Variants in METTL15 observed in about 807,000 individuals in gnomAD.
METTL15 encodes 12S rRNA N(4)-cytidine methyltransferase METTL15.
METTL15 carries 34 observed loss-of-function variants against 38.3 expected under a neutral mutation model. That is an observed-to-expected ratio of 0.89 (90% CI 0.68 to 1.18). METTL15 has a LOEUF of 1.18. METTL15 is among the 50% of genes most tolerant of loss of function. METTL15 has a pLI of 0.00. For missense variants in METTL15, 438 were observed against 498.4 expected (o/e 0.88, Z 1.15); for synonymous variants, 162 against 170.9 (o/e 0.95, Z 0.41).
intron 6 of METTL15, among the ~76,000 whole-genome samples, chr11:28,431,808 GAAAA>G (rs1186274147): frequency 1.1e-5 from 1 of 87,052 alleles, no homozygotes; most frequent in Non-Finnish European, 2.2e-5. Context: ...AAAAAAAAAA[GAAAA>G]AAAAAAAAAA....
At position 28,365,907 on chromosome 11, in the gene METTL15, C is replaced by T. The variant is rs180944902; in HGVS notation, c.*358+3871C>T. On this transcript the variant is annotated intron_variant and NMD_transcript_variant, in intron 5 of 7. Coordinates refer to the METTL15 transcript ENST00000532947. ...TCTACTGAAAATACAAAAAATTAGTCGGGCGTGGTGGCAGGCACCTGTAGT... is the reference window on the plus strand; with the variant it reads ...TCTACTGAAAATACAAAAAATTAGTTGGGCGTGGTGGCAGGCACCTGTAGT... 4.8e-3 allele frequency among the ~76,000 whole-genome samples: 726 copies of T among 151,944 alleles called. 3 individuals carry two copies. Among genetic ancestry groups the T allele is most frequent in the African/African-American group, 0.016 (662 of 41,452 alleles).
chr11:28,182,761 C>T (rs1590120525), intron 3 of METTL15, among the ~76,000 whole-genome samples: 1 of 151,436 alleles, frequency 6.6e-6, no homozygotes, highest in Non-Finnish European at 1.5e-5. Context: ...TTCCATATGA[C>T]GTTTAAACTA....
rs184752413 is a variant in METTL15 at position 28,218,285 on chromosome 11, G to C, written c.407+7087G>C. Reference sequence around the variant, plus strand: ...AAGAAGTGCTTCACATCCCTTGTAAGTTGGATTCCTAGGTGTGTTATTCTC... The same window carrying C: ...AAGAAGTGCTTCACATCCCTTGTAACTTGGATTCCTAGGTGTGTTATTCTC... On this transcript the variant is annotated intron_variant, in intron 4 of 6. Coordinates refer to ENST00000407364, the MANE Select transcript of METTL15 (RefSeq NM_001113528.2). Among the ~76,000 whole-genome samples the C allele has an allele frequency of 3.7e-3, 558 of 152,296 alleles. 3 individuals are homozygous for C. The highest frequency in any genetic ancestry group is 0.013 in the African/African-American group (521 of 41,552).
chr11:28,396,709 A>C (rs1286912330), intron 5 of METTL15, among the ~76,000 whole-genome samples: 1 of 152,162 alleles, frequency 6.6e-6, no homozygotes, highest in Non-Finnish European at 1.5e-5. Context: ...CAAGCTACCA[A>C]TGACTTTCTT....
At chr11:28,328,893 T>A (rs1849725412) in intron 6 of METTL15, among the ~76,000 whole-genome samples, 2 of 152,112 alleles carry the variant, frequency 1.3e-5, no homozygotes, top group African/African-American at 4.8e-5. Context: ...TTGCAAATTT[T>A]TTCCCATTCT....
intron 4 of METTL15, among the ~76,000 whole-genome samples, chr11:28,237,696 A>T (rs994698208): frequency 6.6e-6 from 1 of 152,040 alleles, no homozygotes; most frequent in African/African-American, 2.4e-5. Context: ...TAGAGTTTCC[A>T]CTTTTTCTGC....
chr11:28,329,946 GTTC>G (rs1484006213), intron 6 of METTL15, among the ~76,000 whole-genome samples: 5 of 151,842 alleles, frequency 3.3e-5, no homozygotes, highest in African/African-American at 7.3e-5. Context: ...TAATATTTTT[GTTC>G]TTCTTTATGT....
At chr11:28,305,437 A>T (rs1478946542) in intron 6 of METTL15, among the ~76,000 whole-genome samples, 1 of 152,186 alleles carries the variant, frequency 6.6e-6, no homozygotes, top group Non-Finnish European at 1.5e-5. Flanking sequence ...CTTAATCTTC[A>T]CAGCAACCCA....
At chr11:28,158,751 G>C (rs537774300) in intron 3 of METTL15, among the ~76,000 whole-genome samples, 2 of 152,288 alleles carry the variant, frequency 1.3e-5, no homozygotes, top group South Asian at 4.1e-4. Context: ...GCAGCAGTGG[G>C]CTCATGCTCA....
chr11:28,312,843 A>G (rs1296792317), intron 6 of METTL15, among the ~76,000 whole-genome samples: 2 of 152,144 alleles, frequency 1.3e-5, no homozygotes, highest in Non-Finnish European at 2.9e-5. Context: ...CTGAGATGGT[A>G]GCATTCATGA....
intron 6 of METTL15, among the ~76,000 whole-genome samples, chr11:28,485,979 T>A (rs918228239): frequency 6.6e-6 from 1 of 152,186 alleles, no homozygotes; most frequent in Non-Finnish European, 1.5e-5. Flanking sequence ...GACCCGACTC[T>A]TAAGAATTCA....
At position 28,442,505 on chromosome 11, in the gene METTL15, A is replaced by G. The variant is rs796373718; in HGVS notation, c.*424+18141A>G. 3.9e-5 allele frequency among the ~76,000 whole-genome samples: 6 copies of G among 152,316 alleles called. 1 individual carries two copies. Among genetic ancestry groups the G allele is most frequent in the African/African-American group, 1.4e-4 (6 of 41,568 alleles). On this transcript the variant is annotated intron_variant and NMD_transcript_variant, in intron 6 of 7. Transcript: ENST00000532947. ...ATTATTGCCATTTTGGAGAACACGT[A>G]TACACAGAATTTAGCCAACTTTTTC... is the stretch of plus-strand genomic sequence containing the variant.
chr11:28,389,521 G>T (rs1850479083), intron 5 of METTL15, among the ~76,000 whole-genome samples: 1 of 151,364 alleles, frequency 6.6e-6, no homozygotes, highest in African/African-American at 2.4e-5. Context: ...TGAGAATGAT[G>T]ATTTCCAATT....
In METTL15 at chr11:28,113,482, G is replaced by C. The variant is rs749744792; in HGVS notation, c.148G>C (p.Asp50His). 4 of 1,612,764 alleles carry C rather than the reference G, an allele frequency of 2.5e-6. No homozygotes were observed. Among genetic ancestry groups the C allele is most frequent in the Non-Finnish European group, 3.4e-6 (4 of 1,179,846 alleles). Residue 50 changes from aspartate to histidine, a missense_variant, in exon 3 of 7, where the codon GAT becomes CAT. Asp to His is a moderately conservative substitution (Grantham distance 81). Transcript: ENST00000407364. ...YREYEAREQT[D>H]QTQAQELHRS... The stretch of plus-strand genomic sequence containing the variant: ...AGAATATGAAGCCCGGGAGCAAACA[G>C]ATCAAACTCAAGCCCAGGAGTTACA...
At chr11:28,113,748 C>T in intron 3 of METTL15, 144 bp downstream of exon 3, 1 of 817,260 alleles carries the variant, frequency 1.2e-6, no homozygotes, top group Non-Finnish European at 1.9e-6. Context: ...GAAAGTGATA[C>T]ACATTCAGTA....
intron 5 of METTL15, among the ~76,000 whole-genome samples, chr11:28,419,474 A>G (rs962397885): frequency 1.2e-4 from 18 of 152,222 alleles, no homozygotes; most frequent in African/African-American, 3.6e-4. Flanking sequence ...ATATGGCTGC[A>G]GTGACCAAAA....
At chr11:28,422,989 A>C (rs1850833768) in intron 5 of METTL15, among the ~76,000 whole-genome samples, 1 of 151,936 alleles carries the variant, frequency 6.6e-6, no homozygotes, top group African/African-American at 2.4e-5. Flanking sequence ...GAGCTCAAAC[A>C]AATTTTATAG....
chr11:28,424,628 G>A (rs1850849137), intron 6 of METTL15, among the ~76,000 whole-genome samples: 2 of 152,176 alleles, frequency 1.3e-5, no homozygotes, highest in African/African-American at 4.8e-5. Flanking sequence ...TAAAACATGT[G>A]TGATGGTGAA....
At chr11:28,150,069 G>A (rs1850027504) in intron 3 of METTL15, among the ~76,000 whole-genome samples, 1 of 151,878 alleles carries the variant, frequency 6.6e-6, no homozygotes, top group African/African-American at 2.4e-5. Context: ...CATCTCTTGG[G>A]CAGGCAGTCC....
Sources: allele counts gnomAD v4.1 joint callset (sites outside exome capture counted in the v4.1 genomes callset), GRCh38; gene constraint gnomAD v4.1.1; transcripts MANE v1.5; gene names NCBI Gene and HGNC (gene_info 2026-07-23, HGNC 2026-07-21).